Variants in RBFOX1 observed in about 807,000 individuals in gnomAD.
RBFOX1 encodes RNA binding protein fox-1 homolog 1.
In RBFOX1, 8 loss-of-function variants were observed where a neutral mutation model predicts 57.7. That is an observed-to-expected ratio of 0.14 (90% CI 0.08 to 0.25). RBFOX1 has a LOEUF of 0.25. RBFOX1 is among the 10% of genes least tolerant of loss of function. The pLI is 1.00. For missense variants in RBFOX1, 611 were observed against 548.5 expected, an observed-to-expected ratio of 1.11 and a Z score of -1.14; for synonymous variants, 326 against 222.4, an observed-to-expected ratio of 1.47 and a Z score of -4.15.
intron 1 of RBFOX1, among the ~76,000 whole-genome samples, chr16:6,059,018 C>T (rs1472046597): frequency 2.6e-5 from 4 of 152,196 alleles, no homozygotes; most frequent in African/African-American, 9.7e-5. Flanking sequence ...TGAAAGAATG[C>T]CACATCTTTG....
intron 4 of RBFOX1, among the ~76,000 whole-genome samples, chr16:7,331,174 A>G (rs1243586434): frequency 2.0e-5 from 3 of 152,208 alleles, no homozygotes; most frequent in Admixed American, 6.5e-5. Context: ...AAATTAGTGT[A>G]GTGTAAAAAC....
chr16:6,048,987 T>C (rs1180262014), intron 1 of RBFOX1, among the ~76,000 whole-genome samples: 1 of 151,998 alleles, frequency 6.6e-6, no homozygotes, highest in Non-Finnish European at 1.5e-5. Context: ...TGTTGGAGAC[T>C]TGATCATCAT....
At chr16:7,188,439 G>C (rs2084462628) in intron 4 of RBFOX1, among the ~76,000 whole-genome samples, 1 of 152,180 alleles carries the variant, frequency 6.6e-6, no homozygotes, top group African/African-American at 2.4e-5. Context: ...CTATTTAGAG[G>C]AAGCTTTTAG....
At position 6,060,122 on chromosome 16, in the gene RBFOX1, G is replaced by GTTTTTTGTTTTTTTTTTTTT. The variant is rs1567355465; in HGVS notation, c.-127+40136_-127+40137insGTTTTTTTTTTTTTTTTTTT. The stretch of plus-strand genomic sequence containing the variant: ...ATTTGGCCCTAAAATTAGGATTAGG[G>GTTTTTTGTTTTTTTTTTTTT]TTTTTTTTTTTTTTTTTTTTTTTTT... On this transcript the variant is annotated intron_variant, in intron 1 of 15. Transcript: ENST00000550418. Among the ~76,000 whole-genome samples, 11 of 114,210 alleles carry GTTTTTTGTTTTTTTTTTTTT rather than the reference G, an allele frequency of 9.6e-5. 1 individual carries two copies. Among genetic ancestry groups the GTTTTTTGTTTTTTTTTTTTT allele is most frequent in the South Asian group, 3.0e-4 (1 of 3,340 alleles). 74.9% of individuals were successfully genotyped at this position (114,210 alleles called of 152,430 possible). A position where few individuals can be genotyped will look rare whatever the true frequency, so the allele number is the denominator to read the frequency against.
chr16:6,422,200 G>C (rs1272679389), intron 2 of RBFOX1, among the ~76,000 whole-genome samples: 1 of 149,810 alleles, frequency 6.7e-6, no homozygotes, highest in African/African-American at 2.5e-5. Context: ...GACATTACAA[G>C]TGTGAGCCAC....
chr16:6,881,903 A>G (rs564694677), intron 3 of RBFOX1, among the ~76,000 whole-genome samples: 4 of 152,316 alleles, frequency 2.6e-5, no homozygotes, highest in African/African-American at 7.2e-5. Context: ...GTTGCTGTAT[A>G]GCAGGATTTA....
intron 3 of RBFOX1, among the ~76,000 whole-genome samples, chr16:7,001,755 C>G (rs180876081): frequency 2.0e-5 from 3 of 152,192 alleles, no homozygotes; most frequent in Admixed American, 2.0e-4. Context: ...ACACACTGGC[C>G]TCTATTATTT....
At chr16:5,763,090 T>G (rs1175247990) in intron 3 of RBFOX1, among the ~76,000 whole-genome samples, 1 of 152,002 alleles carries the variant, frequency 6.6e-6, no homozygotes, top group Non-Finnish European at 1.5e-5. Context: ...TAGGGGTGGG[T>G]GGTTGGAAAT....
At chr16:6,421,117 G>C (rs1427831541) in intron 2 of RBFOX1, among the ~76,000 whole-genome samples, 1 of 152,218 alleles carries the variant, frequency 6.6e-6, no homozygotes, top group African/African-American at 2.4e-5. Flanking sequence ...CAAGCTTGGA[G>C]ATAAATGAAC....
At chr16:6,452,488 C>G (rs899483858) in intron 2 of RBFOX1, among the ~76,000 whole-genome samples, 1 of 152,166 alleles carries the variant, frequency 6.6e-6, no homozygotes, top group Non-Finnish European at 1.5e-5. Context: ...GACTCCAGTG[C>G]CATATTTTGT....
intron 13 of RBFOX1, among the ~76,000 whole-genome samples, chr16:7,670,558 A>G (rs1396841320): frequency 6.6e-6 from 1 of 152,194 alleles, no homozygotes; most frequent in African/African-American, 2.4e-5. Context: ...ACCACTGAGA[A>G]TAATATTTGT....
intron 4 of RBFOX1, among the ~76,000 whole-genome samples, chr16:5,888,227 T>C (rs994207922): frequency 6.6e-6 from 1 of 152,184 alleles, no homozygotes; most frequent in East Asian, 1.9e-4. Context: ...TGGTCCCTAA[T>C]TGGCTTTCCA....
chr16:6,588,167 G>A (rs1206034482), intron 2 of RBFOX1, among the ~76,000 whole-genome samples: 2 of 151,854 alleles, frequency 1.3e-5, no homozygotes, highest in African/African-American at 4.8e-5. Flanking sequence ...GGAGGCAGAG[G>A]TTGCAGTGAG....
intron 3 of RBFOX1, among the ~76,000 whole-genome samples, chr16:6,693,107 C>T (rs544056424): frequency 6.6e-6 from 1 of 151,566 alleles, no homozygotes; most frequent in Non-Finnish European, 1.5e-5. Flanking sequence ...TCATCATCCT[C>T]ATCCTCCCCC....
chr16:7,205,749 C>A, intron 4 of RBFOX1, among the ~76,000 whole-genome samples: 1 of 152,294 alleles, frequency 6.6e-6, no homozygotes, highest in East Asian at 1.9e-4. Flanking sequence ...GTCCCTGAGT[C>A]TTTGAAAAGG....
intron 1 of RBFOX1, among the ~76,000 whole-genome samples, chr16:5,319,819 G>C (rs2064351812): frequency 6.6e-6 from 1 of 152,190 alleles, no homozygotes; most frequent in Non-Finnish European, 1.5e-5. Flanking sequence ...CAGGGATCCA[G>C]GCTCCTTCAA....
At chr16:6,819,284 C>G (rs936644102) in intron 3 of RBFOX1, among the ~76,000 whole-genome samples, 2 of 152,144 alleles carry the variant, frequency 1.3e-5, no homozygotes, top group African/African-American at 4.8e-5. Flanking sequence ...ATGGCATAGT[C>G]CCTTGTACAT....
At chr16:5,974,609 C>T (rs765069130) in intron 4 of RBFOX1, among the ~76,000 whole-genome samples, 1 of 152,002 alleles carries the variant, frequency 6.6e-6, no homozygotes, top group East Asian at 1.9e-4. Flanking sequence ...AAGTCCATCT[C>T]AAAAGAAATA....
intron 4 of RBFOX1, among the ~76,000 whole-genome samples, chr16:7,288,818 G>A (rs184980432): frequency 8.3e-4 from 126 of 152,326 alleles, no homozygotes; most frequent in African/African-American, 2.8e-3. Flanking sequence ...TCCAGCCTGC[G>A]CGATAAAGCA....
Sources: gnomAD v4.1 joint callset for allele counts (sites outside exome capture counted in the v4.1 genomes callset) on GRCh38, gnomAD v4.1.1 for gene constraint, MANE v1.5 for transcripts, NCBI Gene and HGNC (gene_info 2026-07-23, HGNC 2026-07-21) for gene names.